Variants in PGGT1B observed in about 807,000 individuals in gnomAD.
PGGT1B encodes geranylgeranyl transferase type-1 subunit beta.
In PGGT1B, 30 loss-of-function variants were observed where a neutral mutation model predicts 46.1. The observed-to-expected ratio is 0.65, with a 90% confidence interval of 0.49 to 0.88. The LOEUF (loss-of-function observed/expected upper bound fraction) is 0.88. Among genes scored for constraint, PGGT1B ranks in the 40% least tolerant of loss-of-function variants. The probability of loss-of-function intolerance (pLI) is 0.00; values close to 1 mark genes in which losing one functional copy is unlikely to be tolerated. For missense variants in PGGT1B, 376 were observed against 455.9 expected (o/e 0.82, Z 1.60); for synonymous variants, 170 against 160.0 (o/e 1.06, Z -0.47).
At chr5:115,215,799 G>C (rs949351425) in intron 8 of PGGT1B, among the ~76,000 whole-genome samples, 3 of 152,148 alleles carry the variant, frequency 2.0e-5, no homozygotes, top group African/African-American at 7.2e-5. Flanking sequence ...CGACTCTATT[G>C]CAATACTGGC....
In PGGT1B at chr5:115,237,909, T is replaced by C. The variant is rs1757231306; in HGVS notation, c.428A>G (p.Asn143Ser). 1 of 1,612,054 alleles carries C rather than the reference T, an allele frequency of 6.2e-7. No individual in the cohort carries two copies. Among genetic ancestry groups the C allele is most frequent in the African/African-American group, 1.3e-5 (1 of 74,856 alleles). The change falls in exon 4 of 9, where the codon AAT becomes AGT. Residue 143 changes from asparagine (N) to serine (S), a missense_variant. Around this residue, in one of 2 missense-constraint regions of PGGT1B, gnomAD observed 222 missense variants for 313.6 expected, o/e 0.71. Coordinates refer to ENST00000419445, the MANE Select transcript of PGGT1B (RefSeq NM_005023.4). ...CAAGCCCGCTAAGCAAGCTTCTTTA[T>C]TTACTCGGCTTAAGTCGTCTCCAAG... ...VILGDDLSRVNKEACLAGLRA... is the reference protein window; with the variant it reads ...VILGDDLSRVSKEACLAGLRA...
intron 3 of PGGT1B, among the ~76,000 whole-genome samples, chr5:115,238,553 G>GA (rs532502288): frequency 1.7e-3 from 254 of 151,484 alleles, no homozygotes; most frequent in African/African-American, 5.7e-3. Flanking sequence ...TAGCCTTCCA[G>GA]AAAAAAAGAT....
Position 115,225,770 on chromosome 5 carries a change from C to T in PGGT1B, c.659-3762G>A, listed in dbSNP as rs1380395509. 4.0e-5 allele frequency among the ~76,000 whole-genome samples: 6 copies of T among 151,674 alleles called. No individual in the cohort carries two copies. In the East Asian group the frequency reaches 9.7e-4, roughly 25 times the overall value. On this transcript the variant is annotated intron_variant, in intron 6 of 8. Coordinates refer to ENST00000419445, the MANE Select transcript of PGGT1B (RefSeq NM_005023.4). ...AAACAATTCTTGTGCCTCTGCCTCC[C>T]GAGTAGCTAGGATTACAGGTGTGTG...
At chr5:115,257,044 T>C (rs1322851216) in intron 1 of PGGT1B, among the ~76,000 whole-genome samples, 1 of 152,194 alleles carries the variant, frequency 6.6e-6, no homozygotes, top group Non-Finnish European at 1.5e-5. Flanking sequence ...TCTCTCACTC[T>C]GAACAATATG....
At chr5:115,214,748 G>A (rs937464349) in intron 8 of PGGT1B, among the ~76,000 whole-genome samples, 7 of 152,098 alleles carry the variant, frequency 4.6e-5, no homozygotes, top group African/African-American at 1.4e-4. Context: ...AACACTGAAT[G>A]TATTTCAAGT....
At chr5:115,214,525 T>C (rs1419801443) in intron 8 of PGGT1B, among the ~76,000 whole-genome samples, 1 of 152,224 alleles carries the variant, frequency 6.6e-6, no homozygotes, top group Non-Finnish European at 1.5e-5. Context: ...TTAAAGAATC[T>C]TGTTAAAATG....
At position 115,207,594 on chromosome 5, in the gene PGGT1B, T is replaced by A. The variant is rs546581175; in HGVS notation, c.*4808A>T. ...ACTTCACCGAAATGGAATCAAAGTA[T>A]GCACTTGTGTCTGGTGAAGCCTACT... On this transcript the variant is annotated 3_prime_UTR_variant, in exon 9 of 9. Transcript: ENST00000419445. The A allele has an allele frequency of 3.3e-5, 5 of 152,088 alleles. No individual in the cohort carries two copies. Among genetic ancestry groups the A allele is most frequent in the Non-Finnish European group, 7.4e-5 (5 of 67,936 alleles). 9.4% of individuals were successfully genotyped at this position (152,088 alleles called of 1,614,324 possible).
chr5:115,217,201 G>A (rs1490250967), intron 7 of PGGT1B, among the ~76,000 whole-genome samples: 1 of 151,614 alleles, frequency 6.6e-6, no homozygotes, highest in Non-Finnish European at 1.5e-5. Context: ...TTCTGAACCA[G>A]GCCAACTGAA....
intron 5 of PGGT1B, among the ~76,000 whole-genome samples, chr5:115,236,063 G>C (rs540238307): frequency 6.6e-6 from 1 of 152,214 alleles, no homozygotes; most frequent in East Asian, 1.9e-4. Flanking sequence ...CAGTTTGCGT[G>C]TCAGGACTCT....
rs889574593 is a variant in PGGT1B at position 115,241,525 on chromosome 5, C to T, written c.327+14G>A. 1 of 1,560,044 alleles carries T rather than the reference C, an allele frequency of 6.4e-7. No individual in the cohort carries two copies. The highest frequency in any genetic ancestry group is 1.4e-5 in the African/African-American group (1 of 72,440). ...ACATCCCTTCTACTTCCTTCTGAAC[C>T]AAATAGAACCAACCTTTGATGGATT... On this transcript the variant is annotated intron_variant, in intron 3 of 8. Transcript: ENST00000419445.
At chr5:115,223,654 T>C (rs1336327772) in intron 6 of PGGT1B, among the ~76,000 whole-genome samples, 1 of 152,168 alleles carries the variant, frequency 6.6e-6, no homozygotes, top group African/African-American at 2.4e-5. Context: ...TGGCCGGAAA[T>C]GGAGAGGATA....
Position 115,236,463 on chromosome 5 carries a change from C to G in PGGT1B, c.539G>C (p.Cys180Ser). The G allele has an allele frequency of 6.3e-7, 1 of 1,589,092 alleles. No homozygotes were observed. Among genetic ancestry groups the G allele is most frequent in the Non-Finnish European group, 8.5e-7 (1 of 1,169,790 alleles). ...NDMRFVYCAS[C>S]ICYMLNNWSG... ...CCAGTTGTTGAGCATATAGCAAATA[C>G]AGGAAGCACAGTACACAAATCGCAT... The change falls in exon 5 of 9, where the codon TGT becomes TCT. Residue 180 changes from cysteine to serine, a missense_variant. This residue lies in a region of PGGT1B where 222 missense variants were observed against 313.6 expected (regional missense o/e 0.71). Coordinates refer to ENST00000419445, the MANE Select transcript of PGGT1B (RefSeq NM_005023.4).
intron 1 of PGGT1B, 37 bp downstream of exon 1, chr5:115,262,675 G>A (rs1162612230): frequency 2.5e-6 from 4 of 1,575,716 alleles, no homozygotes; most frequent in Non-Finnish European, 8.6e-7. Context: ...TGGAGCCCGG[G>A]CCTTGTGCCA....
chr5:115,218,156 C>T (rs985860971), intron 7 of PGGT1B, among the ~76,000 whole-genome samples: 3 of 151,552 alleles, frequency 2.0e-5, no homozygotes, highest in African/African-American at 4.8e-5. Flanking sequence ...AAGTGAGAGG[C>T]TAAATCTTAA....
At chr5:115,261,660 A>G (rs1390161839) in intron 1 of PGGT1B, among the ~76,000 whole-genome samples, 1 of 152,230 alleles carries the variant, frequency 6.6e-6, no homozygotes, top group African/African-American at 2.4e-5. Flanking sequence ...GAAGTTTATA[A>G]TCCAGTGTAA....
intron 7 of PGGT1B, among the ~76,000 whole-genome samples, chr5:115,217,676 G>C (rs977988419): frequency 4.6e-5 from 7 of 151,952 alleles, no homozygotes; most frequent in African/African-American, 1.7e-4. Flanking sequence ...ATGAACCAGA[G>C]AGAGCCACAG....
At position 115,216,749 on chromosome 5, in the gene PGGT1B, AT is replaced by A. The variant is rs1756431565; in HGVS notation, c.952+115del. The A allele has an allele frequency of 5.9e-6, 4 of 675,632 alleles. No homozygotes were observed. In the South Asian group the frequency reaches 6.8e-5, roughly 11 times the overall value. 41.9% of individuals were successfully genotyped at this position (675,632 alleles called of 1,614,324 possible). ...CACAATATACCTTTTAAAAAATATT[AT>A]TTAATGTAACTTTGCAACTGGATAT... On this transcript the variant is annotated intron_variant, in intron 8 of 8. Transcript: ENST00000419445.
chr5:115,213,958 T>C (rs1756327808), intron 8 of PGGT1B, among the ~76,000 whole-genome samples: 1 of 152,244 alleles, frequency 6.6e-6, no homozygotes. Context: ...GATCACCTTT[T>C]AGGCCTTTTC....
In PGGT1B at chr5:115,207,201, A is replaced by ATATATATATG. The variant is rs1756092529; in HGVS notation, c.*5200_*5201insCATATATATA. 7.4e-6 allele frequency: 1 copy of ATATATATATG among 135,244 alleles called. No individual in the cohort carries two copies. The highest frequency in any genetic ancestry group is 2.4e-4 in the South Asian group (1 of 4,174). 8.4% of individuals were successfully genotyped at this position (135,244 alleles called of 1,614,324 possible). On this transcript the variant is annotated 3_prime_UTR_variant, in exon 9 of 9. Coordinates refer to ENST00000419445, the MANE Select transcript of PGGT1B (RefSeq NM_005023.4). Reference sequence around the variant, plus strand: ...CATACATATATATATATATATATATATATATAGTCTTGTTACTCTTTTTAG... The same window carrying ATATATATATG: ...CATACATATATATATATATATATATATATATATATGTATATAGTCTTGTTACTCTTTTTAG...
Sources: gnomAD v4.1 joint callset for allele counts (sites outside exome capture counted in the v4.1 genomes callset) on GRCh38, gnomAD v4.1.1 for gene constraint, gnomAD v4.1.1 regional missense constraint, MANE v1.5 for transcripts, NCBI Gene and HGNC (gene_info 2026-07-23, HGNC 2026-07-21) for gene names.